Variants in D2HGDH observed in about 807,000 individuals in gnomAD.
D2HGDH encodes D-2-hydroxyglutarate dehydrogenase, mitochondrial.
Under a neutral mutation model 46.9 loss-of-function variants are expected in D2HGDH, and 31 were observed. The ratio of observed to expected loss-of-function variants is 0.66; its 90% CI spans 0.50 to 0.89. The LOEUF is 0.89. D2HGDH is among the 40% of genes least tolerant of loss of function. The probability of loss-of-function intolerance (pLI) is 0.00; values close to 1 mark genes in which losing one functional copy is unlikely to be tolerated. For missense variants in D2HGDH, 698 were observed against 720.8 expected, an observed-to-expected ratio of 0.97 and a Z score of 0.36; for synonymous variants, 364 against 332.6, an observed-to-expected ratio of 1.09 and a Z score of -1.03.
intron 3 of D2HGDH, among the ~76,000 whole-genome samples, chr2:241,741,457 C>T (rs751100834): frequency 4.0e-5 from 6 of 151,052 alleles, no homozygotes; most frequent in Non-Finnish European, 8.8e-5. Flanking sequence ...TAAACTCCAT[C>T]CCTGGGACTT....
At chr2:241,762,036 A>C (rs1438933652) in intron 9 of D2HGDH, among the ~76,000 whole-genome samples, 1 of 148,598 alleles carries the variant, frequency 6.7e-6, no homozygotes, top group East Asian at 2.0e-4. Flanking sequence ...GAGGGAACAG[A>C]GGGAAATAAA....
intron 2 of D2HGDH, among the ~76,000 whole-genome samples, chr2:241,738,414 G>A (rs1693523942): frequency 6.6e-6 from 1 of 152,252 alleles, no homozygotes; most frequent in Non-Finnish European, 1.5e-5. Flanking sequence ...AACACCGTGC[G>A]GGTAAGTGGG....
intron 9 of D2HGDH, among the ~76,000 whole-genome samples, chr2:241,760,714 G>A (rs796709343): frequency 5.1e-4 from 77 of 151,896 alleles, no homozygotes; most frequent in African/African-American, 1.7e-3. Context: ...CCAATCAGTC[G>A]AAGGCCACAA....
At position 241,767,994 on chromosome 2, in the gene D2HGDH, C is replaced by G; in HGVS notation, c.*25C>G. ...ACGGCCACTCCTGCTGCTGCCAAGG[C>G]CCACTGGGGGTCGGCGGGTGGCTCT... On this transcript the variant is annotated 3_prime_UTR_variant, in exon 10 of 10. Coordinates refer to ENST00000321264, the MANE Select transcript of D2HGDH (RefSeq NM_152783.5). The G allele has an allele frequency of 5.7e-6, 9 of 1,570,690 alleles. No individual in the cohort carries two copies. Among genetic ancestry groups the G allele is most frequent in the Non-Finnish European group, 7.7e-6 (9 of 1,163,574 alleles).
At chr2:241,740,933 C>T in intron 2 of D2HGDH, 100 bp from the exon 3 acceptor site, 2 of 908,920 alleles carry the variant, frequency 2.2e-6, no homozygotes, top group South Asian at 1.4e-5. Context: ...GAGTGAGAGT[C>T]CGTCTCCAAA....
At chr2:241,737,029 C>T (rs112181447) in intron 2 of D2HGDH, among the ~76,000 whole-genome samples, 1 of 151,916 alleles carries the variant, frequency 6.6e-6, no homozygotes, top group Non-Finnish European at 1.5e-5. Flanking sequence ...AGTGCAGTGG[C>T]GTGATCTCGG....
intron 6 of D2HGDH, chr2:241,749,111 G>A: frequency 9.6e-6 from 9 of 936,190 alleles, no homozygotes; most frequent in Non-Finnish European, 1.2e-5. Flanking sequence ...GGCGACTTCC[G>A]ACGAGGCACT....
intron 6 of D2HGDH, chr2:241,749,523 AG>A (rs1185565145): frequency 2.1e-6 from 1 of 479,652 alleles, no homozygotes; most frequent in Non-Finnish European, 3.3e-6. Flanking sequence ...CCTCACTGGT[AG>A]CCCCCACCAA....
At chr2:241,738,615 CCTGAGCCTGA>C (rs1434536607) in intron 2 of D2HGDH, among the ~76,000 whole-genome samples, 2 of 152,224 alleles carry the variant, frequency 1.3e-5, no homozygotes, top group East Asian at 3.9e-4. Flanking sequence ...CTCTGCCTTG[CCTGAGCCTGA>C]CTGGGCAAGA....
intron 9 of D2HGDH, among the ~76,000 whole-genome samples, chr2:241,757,721 G>A (rs1698321562): frequency 6.6e-6 from 1 of 152,172 alleles, no homozygotes; most frequent in Admixed American, 6.5e-5. Context: ...ACTTTGGGAG[G>A]CTGAGGCGGG....
At position 241,768,730 on chromosome 2, in the gene D2HGDH, G is replaced by T. The variant is rs1699339627; in HGVS notation, c.*761G>T. The T allele has an allele frequency of 6.6e-6, 1 of 152,270 alleles. No homozygotes were observed. Among genetic ancestry groups the T allele is most frequent in the Admixed American group, 6.5e-5 (1 of 15,288 alleles). 9.4% of individuals were successfully genotyped at this position (152,270 alleles called of 1,614,324 possible). A position where few individuals can be genotyped will look rare whatever the true frequency, so the allele number is the denominator to read the frequency against. On this transcript the variant is annotated 3_prime_UTR_variant, in exon 10 of 10. Coordinates refer to ENST00000321264, the MANE Select transcript of D2HGDH (RefSeq NM_152783.5). ...TGTTTCTGCTCGTCAGCTGCCCTGG[G>T]CAGCGGATGGGCTGGGCGATGCAGC...
intron 9 of D2HGDH, among the ~76,000 whole-genome samples, chr2:241,761,662 G>A (rs896229815): frequency 6.6e-6 from 1 of 152,176 alleles, no homozygotes; most frequent in African/African-American, 2.4e-5. Context: ...GTCCCCCAGG[G>A]ACACTGAGGG....
chr2:241,755,651 C>T (rs1199901730), intron 8 of D2HGDH, 198 bp from the exon 9 acceptor site: 1 of 1,539,148 alleles, frequency 6.5e-7, no homozygotes, highest in Admixed American at 2.0e-5. Flanking sequence ...TGTCCTGGGT[C>T]AGAGCCCCTC....
intron 8 of D2HGDH, chr2:241,754,988 G>A: frequency 8.0e-7 from 1 of 1,249,346 alleles, no homozygotes; most frequent in South Asian, 1.3e-5. Flanking sequence ...ACCCTGCAGG[G>A]GAGAGGTGGT....
intron 9 of D2HGDH, among the ~76,000 whole-genome samples, chr2:241,758,511 G>T (rs1003956350): frequency 6.6e-6 from 1 of 151,966 alleles, no homozygotes; most frequent in Non-Finnish European, 1.5e-5. Flanking sequence ...ACAGGGTCTC[G>T]CTGTCACCCA....
chr2:241,752,513 G>A (rs748487828), intron 8 of D2HGDH, among the ~76,000 whole-genome samples: 20 of 152,174 alleles, frequency 1.3e-4, no homozygotes, highest in South Asian at 4.1e-4. Flanking sequence ...ACCCTCCCTC[G>A]CGTTCCGTGT....
At chr2:241,735,614 G>A in intron 2 of D2HGDH, 98 bp downstream of exon 2, 1 of 1,525,730 alleles carries the variant, frequency 6.6e-7, no homozygotes, top group South Asian at 1.2e-5. Flanking sequence ...CCTGGATGGG[G>A]GTGCCAGCCC....
chr2:241,754,025 C>CGTCTGGTG (rs1697757855), intron 8 of D2HGDH, among the ~76,000 whole-genome samples: 1 of 152,304 alleles, frequency 6.6e-6, no homozygotes, highest in Non-Finnish European at 1.5e-5. Flanking sequence ...GGGAGCAGAA[C>CGTCTGGTG]GTCTGGTGCA....
rs139653695 is a variant in D2HGDH, at chr2:241,735,491, C to G, written c.267C>G (p.Asn89Lys). Residue 89 changes from asparagine to lysine, a missense_variant, in exon 2 of 10, where the codon AAC (asparagine) becomes AAG (lysine). By Grantham distance (94) the Asn-to-Lys change is moderately conservative. Coordinates refer to ENST00000321264, the MANE Select transcript of D2HGDH (RefSeq NM_152783.5). ...ACCCGGAAGCGCTGCAGGCTCCCAA[C>G]GTGGACTGGTTGCGGACGCTGCGAG... ...VTDPEALQAP[N>K]VDWLRTLRGC... is the part of the protein sequence containing the mutation. 30 of 1,608,064 alleles carry G rather than the reference C, an allele frequency of 1.9e-5. No homozygotes were observed. The highest frequency in any genetic ancestry group is 2.4e-5 in the Non-Finnish European group (28 of 1,179,800).
Sources: allele counts gnomAD v4.1 joint callset (sites outside exome capture counted in the v4.1 genomes callset), GRCh38; gene constraint gnomAD v4.1.1; transcripts MANE v1.5; gene names NCBI Gene and HGNC (gene_info 2026-07-23, HGNC 2026-07-21).